Variants in IGSF10 observed in about 807,000 individuals in gnomAD.
IGSF10 encodes the protein calvaria mechanical force protein 608.
IGSF10 carries 126 observed loss-of-function variants against 128.2 expected under a neutral mutation model. That is an observed-to-expected ratio of 0.98 (90% CI 0.85 to 1.14). IGSF10 has a LOEUF of 1.14. IGSF10 is among the 50% of genes most tolerant of loss of function. The pLI, the probability that IGSF10 is intolerant of heterozygous loss-of-function variation, is 0.00. For missense variants in IGSF10, 3,295 were observed against 3,149.8 expected, an observed-to-expected ratio of 1.05 and a Z score of -1.10; for synonymous variants, 1,185 against 1,146.2, an observed-to-expected ratio of 1.03 and a Z score of -0.68.
chr3:151,583,575 G>A, the IGSF10 span, among the ~76,000 whole-genome samples: 1 of 152,172 alleles, frequency 6.6e-6, no homozygotes, highest in African/African-American at 2.4e-5. Context: ...AGGGCCTGTC[G>A]TGGAGTGGGG....
chr3:151,559,052 C>G, the IGSF10 span, among the ~76,000 whole-genome samples: 2 of 152,110 alleles, frequency 1.3e-5, no homozygotes, highest in Non-Finnish European at 2.9e-5. Flanking sequence ...TGCATTTACA[C>G]TGAGGAAAAT....
chr3:151,441,869 G>C (rs900718287), intron 7 of IGSF10, among the ~76,000 whole-genome samples: 4 of 152,136 alleles, frequency 2.6e-5, no homozygotes, highest in East Asian at 1.9e-4. Context: ...AGACCATCCT[G>C]GCTAACATGG....
the IGSF10 span, among the ~76,000 whole-genome samples, chr3:151,555,473 C>A: frequency 6.6e-6 from 1 of 152,030 alleles, no homozygotes; most frequent in African/African-American, 2.4e-5. Context: ...AGGAAATGAT[C>A]AAATCAAGCG....
chr3:151,482,147 C>A, the IGSF10 span, among the ~76,000 whole-genome samples: 1 of 152,026 alleles, frequency 6.6e-6, no homozygotes, highest in African/African-American at 2.4e-5. Flanking sequence ...AAAAAGAAAA[C>A]AAGATACTAT....
At chr3:151,483,906 G>GT in the IGSF10 span, among the ~76,000 whole-genome samples, 66 of 152,190 alleles carry the variant, frequency 4.3e-4, 1 homozygote, top group East Asian at 6.2e-3. Flanking sequence ...AGATGCATGA[G>GT]TTTTTTTTAT....
chr3:151,593,464 C>T, the IGSF10 span, among the ~76,000 whole-genome samples: 3 of 151,990 alleles, frequency 2.0e-5, no homozygotes, highest in South Asian at 6.2e-4. Flanking sequence ...CTGCTACCAC[C>T]ATTTATGCAT....
At chr3:151,592,264 C>T in the IGSF10 span, among the ~76,000 whole-genome samples, 1 of 150,918 alleles carries the variant, frequency 6.6e-6, no homozygotes, top group Non-Finnish European at 1.5e-5. Flanking sequence ...ACTCCACATA[C>T]AAACGCACAC....
the IGSF10 span, among the ~76,000 whole-genome samples, chr3:151,591,382 CATATATAAAAA>C: frequency 2.7e-3 from 389 of 142,120 alleles, no homozygotes; most frequent in African/African-American, 9.5e-3. Context: ...AATTATTTTA[CATATATAAAAA>C]ATATATAAAT....
chr3:151,527,386 ATTC>A, the IGSF10 span, among the ~76,000 whole-genome samples: 5 of 152,210 alleles, frequency 3.3e-5, no homozygotes, highest in African/African-American at 1.2e-4. Context: ...AAATGTCAGA[ATTC>A]TTCTTGGCCC....
downstream of IGSF10, chr3:151,434,317 C>T (rs1719852891): frequency 6.6e-6 from 1 of 152,092 alleles, no homozygotes; most frequent in African/African-American, 2.4e-5. Flanking sequence ...GTGAGTTACT[C>T]ATTGCAAAGT....
chr3:151,556,552 G>A, the IGSF10 span, among the ~76,000 whole-genome samples: 1 of 152,008 alleles, frequency 6.6e-6, no homozygotes, highest in Non-Finnish European at 1.5e-5. Flanking sequence ...ATTTGTTAAA[G>A]AAATACAGTA....
chr3:151,447,042 G>A lies in IGSF10; in HGVS notation c.2939C>T (p.Ser980Phe), dbSNP rs765123017. 2 of 1,613,858 alleles carry A rather than the reference G, an allele frequency of 1.2e-6. No homozygotes were observed. The highest frequency in any genetic ancestry group is 1.1e-5 in the South Asian group (1 of 91,068). ...TGTGTGTGGATCTGAAGGGAACGTGGAGGTGCTAAGTATTTGAGTAGTGTG... is the reference window on the plus strand; with the variant it reads ...TGTGTGTGGATCTGAAGGGAACGTGAAGGTGCTAAGTATTTGAGTAGTGTG... ...YSHTTQILST[S>F]TFPSDPHTAA... The change falls in exon 6 of 8, where the codon TCC becomes TTC. Residue 980 changes from serine to phenylalanine, a missense_variant. Physicochemically the swap from Ser to Phe is radical, Grantham distance 155 (BLOSUM62 -2). Transcript: ENST00000282466.
chr3:151,506,822 G>T, the IGSF10 span, among the ~76,000 whole-genome samples: 1 of 152,126 alleles, frequency 6.6e-6, no homozygotes, highest in Admixed American at 6.5e-5. Context: ...TAGACCAAAT[G>T]GGGAGAAGAA....
the IGSF10 span, among the ~76,000 whole-genome samples, chr3:151,542,363 A>G: frequency 6.6e-6 from 1 of 152,146 alleles, no homozygotes; most frequent in African/African-American, 2.4e-5. Flanking sequence ...CATAAGTAGA[A>G]TTCATTCATA....
At chr3:151,494,806 C>G in the IGSF10 span, among the ~76,000 whole-genome samples, 2 of 152,034 alleles carry the variant, frequency 1.3e-5, no homozygotes, top group Non-Finnish European at 2.9e-5. Context: ...CCAGGATTTG[C>G]TGGCAAAACA....
At chr3:151,481,002 G>C in the IGSF10 span, among the ~76,000 whole-genome samples, 1 of 152,132 alleles carries the variant, frequency 6.6e-6, no homozygotes, top group Non-Finnish European at 1.5e-5. Context: ...GGTGTCCCTA[G>C]TGCCAAAGCT....
the IGSF10 span, among the ~76,000 whole-genome samples, chr3:151,600,188 G>A: frequency 6.6e-6 from 1 of 151,754 alleles, no homozygotes; most frequent in Non-Finnish European, 1.5e-5. Context: ...TCATTTTCAG[G>A]TAGCTAAAAC....
chr3:151,550,678 T>C, the IGSF10 span, among the ~76,000 whole-genome samples: 1 of 152,150 alleles, frequency 6.6e-6, no homozygotes, highest in Admixed American at 6.6e-5. Flanking sequence ...GATTTTTTTC[T>C]CGTTTTTTAC....
chr3:151,486,303 C>T, the IGSF10 span, among the ~76,000 whole-genome samples: 1,221 of 152,210 alleles, frequency 8.0e-3, 6 homozygotes, highest in Non-Finnish European at 0.013. Context: ...AATACAGGAG[C>T]ACCCAGATAC....
Sources: gnomAD v4.1 joint callset for allele counts (sites outside exome capture counted in the v4.1 genomes callset) on GRCh38, gnomAD v4.1.1 for gene constraint, MANE v1.5 for transcripts, NCBI Gene and HGNC (gene_info 2026-07-23, HGNC 2026-07-21) for gene names.